PGGT1B: variants seen among roughly 807,000 people sequenced by gnomAD.
PGGT1B encodes the protein protein geranylgeranyltransferase type I subunit beta.
PGGT1B carries 30 observed loss-of-function variants against 46.1 expected under a neutral mutation model. The observed-to-expected ratio is 0.65, with a 90% CI of 0.49 to 0.88. PGGT1B has a LOEUF of 0.88. PGGT1B is among the 40% of genes least tolerant of loss of function. The pLI is 0.00. For synonymous variants in PGGT1B, 170 were observed against 160.0 expected, an observed-to-expected ratio of 1.06 and a Z score of -0.47; for missense variants, 376 against 455.9, an observed-to-expected ratio of 0.82 and a Z score of 1.60.
intron 1 of PGGT1B, among the ~76,000 whole-genome samples, chr5:115,258,542 T>G (rs1039295408): frequency 5.3e-5 from 8 of 152,228 alleles, no homozygotes; most frequent in African/African-American, 1.9e-4. Flanking sequence ...ACCATATCCC[T>G]TTACATTTTG....
chr5:115,216,942 T>C lies in PGGT1B; in HGVS notation c.875A>G (p.Glu292Gly), dbSNP rs765169869. 1.9e-6 allele frequency: 3 copies of C among 1,579,960 alleles called. No individual in the cohort carries two copies. The African/African-American group carries it at 4.0e-5, about 21-fold the overall frequency. The change falls in exon 8 of 9, where the codon GAG becomes GGG. Residue 292 changes from glutamate (E) to glycine (G), a missense_variant. Around this residue, in one of 2 missense-constraint regions of PGGT1B, gnomAD observed 222 missense variants for 313.6 expected, o/e 0.71. Transcript: ENST00000419445. ...TGATAAGATGTAATTTCTATTTTTC[T>C]CAAAGTTAGTGTATTGGAAAATTTT... ...LLKIFQYTNF[E>G]KNRNYILSTQ...
At chr5:115,239,817 CA>C (rs1284344683) in intron 3 of PGGT1B, among the ~76,000 whole-genome samples, 8 of 152,260 alleles carry the variant, frequency 5.3e-5, no homozygotes, top group African/African-American at 1.9e-4. Flanking sequence ...TGCTAGAGAG[CA>C]TGGGATTTGT....
chr5:115,234,215 CA>C (rs34000456), intron 5 of PGGT1B, among the ~76,000 whole-genome samples: 103,472 of 140,030 alleles, frequency 0.74, 38,316 homozygotes, highest in African/African-American at 0.92. Context: ...AAGCAAACAG[CA>C]AAAAAAAAAA....
intron 2 of PGGT1B, among the ~76,000 whole-genome samples, chr5:115,248,034 C>T (rs1029808242): frequency 6.6e-6 from 1 of 152,110 alleles, no homozygotes; most frequent in South Asian, 2.1e-4. Context: ...ACTTACTTCC[C>T]CCATGTTATT....
chr5:115,243,944 C>T (rs1757426132), intron 2 of PGGT1B, among the ~76,000 whole-genome samples: 1 of 152,154 alleles, frequency 6.6e-6, no homozygotes. Flanking sequence ...TCTTCTGCTC[C>T]CTTTCTCTGC....
chr5:115,251,905 C>A (rs1338544524), intron 2 of PGGT1B, among the ~76,000 whole-genome samples: 1 of 151,554 alleles, frequency 6.6e-6, no homozygotes, highest in Non-Finnish European at 1.5e-5. Context: ...TTAAAAAATC[C>A]CAGACTTTCA....
intron 8 of PGGT1B, among the ~76,000 whole-genome samples, chr5:115,214,421 G>A (rs1580741235): frequency 6.6e-6 from 1 of 152,070 alleles, no homozygotes; most frequent in Non-Finnish European, 1.5e-5. Flanking sequence ...ACAATAAAAG[G>A]TTATTCTTTT....
intron 7 of PGGT1B, among the ~76,000 whole-genome samples, chr5:115,220,492 T>C (rs1437924286): frequency 6.6e-6 from 1 of 151,800 alleles, no homozygotes; most frequent in South Asian, 2.1e-4. Context: ...AGGATTTATG[T>C]TGGGTATAAT....
rs962261926 is a variant in PGGT1B, at chr5:115,240,025, C to T, written c.327+1514G>A. Reference sequence around the variant, plus strand: ...ACAATCTAATGTGCCTCCTCACATTCTCTTGGCCTAATCTGTCTCCTAGAC... The same window carrying T: ...ACAATCTAATGTGCCTCCTCACATTTTCTTGGCCTAATCTGTCTCCTAGAC... On this transcript the variant is annotated intron_variant, in intron 3 of 8. Transcript: ENST00000419445. 9.2e-5 allele frequency among the ~76,000 whole-genome samples: 14 copies of T among 152,222 alleles called. 1 individual carries two copies. The highest frequency in any genetic ancestry group is 8.5e-4 in the Admixed American group (13 of 15,286).
intron 2 of PGGT1B, 82 bp downstream of exon 2, chr5:115,253,055 G>A: frequency 8.4e-7 from 1 of 1,185,180 alleles, no homozygotes; most frequent in South Asian, 1.4e-5. Context: ...CAGTATACAA[G>A]TACTAAGATT....
intron 6 of PGGT1B, 98 bp downstream of exon 6, chr5:115,230,878 G>A (rs904849232): frequency 4.0e-6 from 3 of 744,266 alleles, no homozygotes; most frequent in African/African-American, 3.6e-5. Flanking sequence ...TGCACCAAGG[G>A]TTGAGAAAAA....
At chr5:115,239,878 A>G (rs1262017203) in intron 3 of PGGT1B, among the ~76,000 whole-genome samples, 1 of 152,242 alleles carries the variant, frequency 6.6e-6, no homozygotes, top group African/African-American at 2.4e-5. Context: ...TTTCTCAAAA[A>G]GTGCTCTACA....
chr5:115,219,472 T>A (rs1361614301), intron 7 of PGGT1B, among the ~76,000 whole-genome samples: 1 of 151,826 alleles, frequency 6.6e-6, no homozygotes, highest in Non-Finnish European at 1.5e-5. Flanking sequence ...GGCCCAACAT[T>A]AAGGCCTGAA....
intron 2 of PGGT1B, among the ~76,000 whole-genome samples, chr5:115,248,635 C>T (rs1253705561): frequency 2.6e-5 from 4 of 152,112 alleles, no homozygotes; most frequent in African/African-American, 9.7e-5. Flanking sequence ...TAAGTGGAGG[C>T]CAGGGTTAAT....
intron 6 of PGGT1B, among the ~76,000 whole-genome samples, chr5:115,223,480 G>A (rs1010812396): frequency 6.6e-6 from 1 of 152,114 alleles, no homozygotes; most frequent in Non-Finnish European, 1.5e-5. Context: ...AGATTTGAGT[G>A]TTGTAGCCAA....
At chr5:115,229,770 A>C (rs1756921500) in intron 6 of PGGT1B, among the ~76,000 whole-genome samples, 1 of 152,086 alleles carries the variant, frequency 6.6e-6, no homozygotes, top group Non-Finnish European at 1.5e-5. Context: ...ATCCCTCTTG[A>C]TCATGTGGTG....
intron 1 of PGGT1B, among the ~76,000 whole-genome samples, chr5:115,258,157 T>C (rs1748402204): frequency 6.6e-6 from 1 of 152,232 alleles, no homozygotes; most frequent in East Asian, 1.9e-4. Context: ...ACCACAAAAA[T>C]GAATAAAGCT....
intron 1 of PGGT1B, among the ~76,000 whole-genome samples, chr5:115,254,004 A>G (rs995831388): frequency 6.6e-6 from 1 of 152,042 alleles, no homozygotes; most frequent in African/African-American, 2.4e-5. Flanking sequence ...TTGATTGAGT[A>G]CTGTTACATC....
intron 1 of PGGT1B, among the ~76,000 whole-genome samples, chr5:115,260,199 G>A (rs1748495608): frequency 6.6e-6 from 1 of 152,150 alleles, no homozygotes; most frequent in Non-Finnish European, 1.5e-5. Flanking sequence ...CTATTGGTCA[G>A]GCTAAAAGAA....
Sources: allele counts gnomAD v4.1 joint callset (sites outside exome capture counted in the v4.1 genomes callset), GRCh38; gene constraint gnomAD v4.1.1; regional missense constraint gnomAD v4.1.1; transcripts MANE v1.5; gene names NCBI Gene and HGNC (gene_info 2026-07-23, HGNC 2026-07-21).